INTS9: variants seen among roughly 807,000 people sequenced by gnomAD.
INTS9 encodes protein related to CPSF subunits of 74 kDa.
In INTS9, 55 loss-of-function variants were observed where a neutral mutation model predicts 79.7. The ratio of observed to expected loss-of-function variants is 0.69; its 90% CI spans 0.56 to 0.86. INTS9 has a LOEUF of 0.86. Among genes scored for constraint, INTS9 ranks in the 40% least tolerant of loss-of-function variants. The probability of loss-of-function intolerance (pLI) is 0.00; values close to 1 mark genes in which losing one functional copy is unlikely to be tolerated. For synonymous variants in INTS9, 319 were observed against 325.2 expected (o/e 0.98, Z 0.20); for missense variants, 721 against 831.5 (o/e 0.87, Z 1.64).
chr8:28,886,345 G>T (rs974027342), intron 1 of INTS9, among the ~76,000 whole-genome samples: 2 of 151,092 alleles, frequency 1.3e-5, no homozygotes, highest in East Asian at 3.9e-4. Context: ...CCTTCTAGGC[G>T]CAAGTGATCC....
intron 6 of INTS9, among the ~76,000 whole-genome samples, chr8:28,819,100 C>A (rs1033961856): frequency 4.5e-4 from 68 of 152,320 alleles, no homozygotes; most frequent in African/African-American, 1.6e-3. Context: ...TTTCAAAAAA[C>A]CAGCTCTTGG....
intron 4 of INTS9, among the ~76,000 whole-genome samples, chr8:28,843,635 T>G (rs1335169606): frequency 2.0e-5 from 3 of 152,216 alleles, no homozygotes; most frequent in Admixed American, 6.5e-5. Context: ...AAGGTAAAAA[T>G]GTATTTCACA....
rs1482027580 is a variant in INTS9 at position 28,835,327 on chromosome 8, C to T, written c.453G>A (p.Gln151=). 6.2e-7 allele frequency: 1 copy of T among 1,613,924 alleles called. No individual in the cohort carries two copies. Among genetic ancestry groups the T allele is most frequent in the Non-Finnish European group, 8.5e-7 (1 of 1,179,876 alleles). ...CCTTATTCTTCCACAAGGAGGCAGACTGAGCCTTTGGCACTCTTTCAATGA... is the reference window on the plus strand; with the variant it reads ...CCTTATTCTTCCACAAGGAGGCAGATTGAGCCTTTGGCACTCTTTCAATGA... ...VNFIERVPKA[Q]SASLWKNKDI... The change falls in exon 6 of 17, where the codon CAG becomes CAA. Residue 151 remains glutamine, a synonymous_variant. Transcript: ENST00000521022.
intron 15 of INTS9, 98 bp from the exon 16 acceptor site, chr8:28,770,124 G>A (rs1047479466): frequency 1.7e-5 from 25 of 1,449,612 alleles, no homozygotes; most frequent in Middle Eastern, 1.8e-4. Flanking sequence ...TGTCCTCACA[G>A]GCCACAGAGC....
chr8:28,792,701 G>T (rs1180391156), intron 10 of INTS9, among the ~76,000 whole-genome samples: 1 of 152,072 alleles, frequency 6.6e-6, no homozygotes, highest in African/African-American at 2.4e-5. Context: ...ATCACCTGAG[G>T]TCAGGAGTTC....
In INTS9 at chr8:28,775,837, G is replaced by C. The variant is rs148560235; in HGVS notation, c.1485C>G (p.Pro495=). The change falls in exon 14 of 17, where the codon CCC becomes CCG. Residue 495 remains proline, a synonymous_variant. Transcript: ENST00000521022. ...CCTCAGCCCGCCGATAGGACATGGC[G>C]GGGGGCTGGCAGTCGATCATGAGGT... is the stretch of plus-strand genomic sequence containing the variant. ...RMDLMIDCQP[P]AMSYRRAEVL... 2.1e-4 allele frequency: 335 copies of C among 1,613,782 alleles called. No individual in the cohort carries two copies. The highest frequency in any genetic ancestry group is 2.7e-4 in the Non-Finnish European group (313 of 1,179,840).
chr8:28,866,477 A>G (rs192818989), intron 1 of INTS9, among the ~76,000 whole-genome samples: 4 of 152,300 alleles, frequency 2.6e-5, no homozygotes, highest in Middle Eastern at 3.4e-3. Flanking sequence ...CACTGGCCCA[A>G]GCTCCTTGCA....
intron 3 of INTS9, among the ~76,000 whole-genome samples, chr8:28,849,690 C>T (rs1807720193): frequency 2.0e-5 from 3 of 152,038 alleles, no homozygotes; most frequent in Admixed American, 6.6e-5. Flanking sequence ...CAGAGTGATC[C>T]GATCTGACAA....
At position 28,812,416 on chromosome 8, in the gene INTS9, C is replaced by T. The variant is rs1297000359; in HGVS notation, c.655G>A (p.Ala219Thr). The T allele has an allele frequency of 9.3e-6, 15 of 1,614,058 alleles. No individual in the cohort carries two copies. The highest frequency in any genetic ancestry group is 1.3e-5 in the Non-Finnish European group (15 of 1,179,934). ...VQVTPLSSGY[A>T]LGSSNWIIQS... ...ATGATCCAGTTGGAGCTCCCAAGGG[C>T]ATAGCCAGAGCTCAGAGGAGTCACC... Residue 219 changes from alanine (A) to threonine (T), a missense_variant, in exon 8 of 17, where the codon GCC becomes ACC. By Grantham distance (58) the Ala-to-Thr change is moderately conservative. Coordinates refer to ENST00000521022, the MANE Select transcript of INTS9 (RefSeq NM_018250.4).
At chr8:28,787,686 T>C (rs896941468) in intron 11 of INTS9, 143 bp downstream of exon 11, 1 of 491,548 alleles carries the variant, frequency 2.0e-6, no homozygotes, top group Non-Finnish European at 3.7e-6. Context: ...TGAGTTAAAA[T>C]ACTTCCCTGT....
Position 28,859,504 on chromosome 8 carries a change from G to A in INTS9, c.69C>T (p.Thr23=), listed in dbSNP as rs747440801. The stretch of plus-strand genomic sequence containing the variant: ...TGTCCAGTCCGCAGTCCAACATAAT[G>A]GTGGTTGATTTGAATTTGAGCACAT... ...PCNVLKFKST[T]IMLDCGLDMT... Residue 23 remains threonine (T), a synonymous_variant, in exon 2 of 17, where the codon ACC becomes ACT. Coordinates refer to ENST00000521022, the MANE Select transcript of INTS9 (RefSeq NM_018250.4). 2.5e-6 allele frequency: 4 copies of A among 1,614,166 alleles called. No individual in the cohort carries two copies. In the Admixed American group the frequency reaches 5.0e-5, roughly 20 times the overall value.
Position 28,771,036 on chromosome 8 carries a change from G to A in INTS9, c.1608C>T (p.Ser536=). The A allele has an allele frequency of 2.5e-6, 4 of 1,613,434 alleles. No homozygotes were observed. The highest frequency in any genetic ancestry group is 2.5e-6 in the Non-Finnish European group (3 of 1,179,742). The part of the protein sequence containing the change: ...LVPMEIKPGI[S]LATVSAVLHT... ...GCAGCACGGCCGAGACAGTTGCCAAGGAGATGCCAGGCTTGATCTCCATGG... is the reference window on the plus strand; with the variant it reads ...GCAGCACGGCCGAGACAGTTGCCAAAGAGATGCCAGGCTTGATCTCCATGG... Residue 536 remains serine, a synonymous_variant, in exon 15 of 17, where the codon TCC becomes TCT. Transcript: ENST00000521022.
At chr8:28,843,275 A>C (rs1265994656) in intron 4 of INTS9, among the ~76,000 whole-genome samples, 1 of 152,226 alleles carries the variant, frequency 6.6e-6, no homozygotes, top group Non-Finnish European at 1.5e-5. Flanking sequence ...CATTTGCACA[A>C]AACAGTAGAG....
intron 11 of INTS9, among the ~76,000 whole-genome samples, chr8:28,786,200 G>A (rs1803578160): frequency 6.6e-6 from 1 of 152,218 alleles, no homozygotes; most frequent in South Asian, 2.1e-4. Context: ...AGTGATGTAA[G>A]GGACTGTGTG....
chr8:28,881,334 C>T (rs1324851901), intron 1 of INTS9, among the ~76,000 whole-genome samples: 3 of 131,044 alleles, frequency 2.3e-5, no homozygotes, highest in African/African-American at 3.0e-5. Context: ...CCAGCCGCCC[C>T]GTCCGGGAGG....
intron 6 of INTS9, among the ~76,000 whole-genome samples, chr8:28,817,436 C>G (rs988077943): frequency 5.3e-5 from 8 of 151,850 alleles, no homozygotes; most frequent in African/African-American, 1.7e-4. Context: ...GCTTGTTTTT[C>G]TCAGGTTTGT....
chr8:28,775,226 T>C (rs1173464628), intron 14 of INTS9, among the ~76,000 whole-genome samples: 2 of 152,362 alleles, frequency 1.3e-5, no homozygotes, highest in African/African-American at 4.8e-5. Flanking sequence ...GGGCTCACGC[T>C]GCTGAATGCT....
chr8:28,813,639 C>A, intron 6 of INTS9, 27 bp from the exon 7 acceptor site: 2 of 1,609,604 alleles, frequency 1.2e-6, no homozygotes, highest in Non-Finnish European at 1.7e-6. Flanking sequence ...ATGTCAACTA[C>A]CAGGTGAACA....
At chr8:28,771,143 A>T in intron 14 of INTS9, 63 bp from the exon 15 acceptor site, 1 of 1,151,696 alleles carries the variant, frequency 8.7e-7, no homozygotes, top group Non-Finnish European at 1.3e-6. Flanking sequence ...TCTTCCTTTA[A>T]TCTGTATTTA....
Sources: gnomAD v4.1 joint callset for allele counts (sites outside exome capture counted in the v4.1 genomes callset) on GRCh38, gnomAD v4.1.1 for gene constraint, MANE v1.5 for transcripts, NCBI Gene and HGNC (gene_info 2026-07-23, HGNC 2026-07-21) for gene names.